Variants in LRMDA observed in about 807,000 individuals in gnomAD.
The protein encoded by LRMDA is leucine-rich melanocyte differentiation-associated protein.
LRMDA carries 18 observed loss-of-function variants against 29.8 expected under a neutral mutation model. The observed-to-expected ratio is 0.60, with a 90% CI of 0.42 to 0.90. LRMDA has a LOEUF of 0.90. Ranked by LOEUF, LRMDA falls within the 40% of genes least tolerant of loss-of-function variation. The pLI is 0.00. For missense variants in LRMDA, 273 were observed against 273.9 expected (o/e 1.00, Z 0.02); for synonymous variants, 125 against 109.4 (o/e 1.14, Z -0.89).
chr10:75,615,594 T>G (rs74878123), intron 2 of LRMDA, among the ~76,000 whole-genome samples: 1 of 152,190 alleles, frequency 6.6e-6, no homozygotes, highest in Non-Finnish European at 1.5e-5. Flanking sequence ...GCACAATTAT[T>G]TGAACTAGAA....
chr10:75,797,237 A>G (rs1458190988), intron 2 of LRMDA, among the ~76,000 whole-genome samples: 5 of 152,096 alleles, frequency 3.3e-5, no homozygotes, highest in Non-Finnish European at 7.4e-5. Flanking sequence ...AAATTTTTGA[A>G]TTTATTCGCA....
intron 5 of LRMDA, among the ~76,000 whole-genome samples, chr10:76,063,276 T>C (rs1450281062): frequency 6.6e-6 from 1 of 152,226 alleles, no homozygotes; most frequent in African/African-American, 2.4e-5. Flanking sequence ...TAGTGAGGTG[T>C]CTTTGAAGAC....
At chr10:75,918,487 C>A (rs1377476899) in intron 2 of LRMDA, among the ~76,000 whole-genome samples, 2 of 152,002 alleles carry the variant, frequency 1.3e-5, no homozygotes, top group Non-Finnish European at 1.5e-5. Flanking sequence ...TTTCAAATAA[C>A]CAGATCTCGC....
intron 5 of LRMDA, among the ~76,000 whole-genome samples, chr10:76,298,977 C>T (rs1040241609): frequency 2.6e-5 from 4 of 152,070 alleles, no homozygotes; most frequent in African/African-American, 9.7e-5. Flanking sequence ...GTTGGTTGGC[C>T]ACCTTCTTCC....
At chr10:76,015,944 G>A (rs1247668228) in intron 2 of LRMDA, among the ~76,000 whole-genome samples, 1 of 152,072 alleles carries the variant, frequency 6.6e-6, no homozygotes, top group Non-Finnish European at 1.5e-5. Flanking sequence ...GTCATTCTTG[G>A]ACTTCTAGCC....
At chr10:75,560,706 C>T (rs1042953866) in intron 2 of LRMDA, among the ~76,000 whole-genome samples, 74 of 150,082 alleles carry the variant, frequency 4.9e-4, no homozygotes, top group African/African-American at 1.8e-3. Context: ...GAGATATGTC[C>T]CATCAATACC....
At chr10:76,464,861 G>T (rs1025221060) in intron 6 of LRMDA, 22 of 152,120 alleles carry the variant, frequency 1.4e-4, no homozygotes, top group African/African-American at 5.3e-4. Flanking sequence ...TTGATTATAT[G>T]ATCATCTCGT....
At chr10:75,623,849 C>A (rs184203136) in intron 2 of LRMDA, among the ~76,000 whole-genome samples, 1 of 152,318 alleles carries the variant, frequency 6.6e-6, no homozygotes, top group East Asian at 1.9e-4. Flanking sequence ...CCGATTTTGA[C>A]AACATAATTT....
At chr10:75,680,464 C>A (rs145533780) in intron 2 of LRMDA, among the ~76,000 whole-genome samples, 9 of 151,832 alleles carry the variant, frequency 5.9e-5, no homozygotes, top group Non-Finnish European at 1.2e-4. Context: ...AGGACAGGGA[C>A]CTTGTAGTGG....
intron 2 of LRMDA, among the ~76,000 whole-genome samples, chr10:76,011,503 C>T (rs913205239): frequency 6.6e-6 from 1 of 152,180 alleles, no homozygotes; most frequent in Non-Finnish European, 1.5e-5. Flanking sequence ...CCACCCCCTC[C>T]ATCCTCAGTT....
chr10:76,211,510 G>A (rs1025167058), intron 5 of LRMDA, among the ~76,000 whole-genome samples: 3 of 152,198 alleles, frequency 2.0e-5, no homozygotes, highest in African/African-American at 7.2e-5. Context: ...AATCCAATGA[G>A]CCTCTAGCCA....
At chr10:75,585,181 A>C (rs1042054781) in intron 2 of LRMDA, among the ~76,000 whole-genome samples, 2 of 152,190 alleles carry the variant, frequency 1.3e-5, no homozygotes, top group African/African-American at 4.8e-5. Context: ...GCAGCTGCAC[A>C]CTGTCCTGTC....
chr10:75,658,491 A>C (rs1356456128), intron 2 of LRMDA, among the ~76,000 whole-genome samples: 1 of 152,178 alleles, frequency 6.6e-6, no homozygotes, highest in East Asian at 1.9e-4. Context: ...TTCTCAAAGA[A>C]CGTTCTATGG....
chr10:76,215,096 A>G (rs193244853), intron 5 of LRMDA, among the ~76,000 whole-genome samples: 3 of 152,346 alleles, frequency 2.0e-5, no homozygotes, highest in African/African-American at 4.8e-5. Context: ...CACTGGGTTG[A>G]GAATGGTGTA....
chr10:76,444,901 G>A (rs996728715), intron 6 of LRMDA, among the ~76,000 whole-genome samples: 11 of 151,986 alleles, frequency 7.2e-5, no homozygotes, highest in Admixed American at 5.9e-4. Flanking sequence ...ATCTATAATT[G>A]TATTCATGTA....
At chr10:76,153,029 C>G (rs1268020789) in intron 5 of LRMDA, among the ~76,000 whole-genome samples, 1 of 151,912 alleles carries the variant, frequency 6.6e-6, no homozygotes, top group Non-Finnish European at 1.5e-5. Context: ...TTAGTAGAGA[C>G]GGGGTTTCAC....
intron 2 of LRMDA, among the ~76,000 whole-genome samples, chr10:75,666,953 ACTGCAGTTAC>A (rs2132139496): frequency 6.6e-6 from 1 of 152,312 alleles, no homozygotes; most frequent in East Asian, 1.9e-4. Context: ...ATACAAGTTA[ACTGCAGTTAC>A]CTGGCTCTTT....
intron 6 of LRMDA, among the ~76,000 whole-genome samples, chr10:76,476,397 G>A (rs1483580923): frequency 6.6e-6 from 1 of 152,068 alleles, no homozygotes; most frequent in African/African-American, 2.4e-5. Context: ...CTGAAATTGA[G>A]GCAATAATTA....
At chr10:76,493,029 C>T (rs1842849031) in intron 6 of LRMDA, among the ~76,000 whole-genome samples, 2 of 151,968 alleles carry the variant, frequency 1.3e-5, no homozygotes, top group African/African-American at 4.8e-5. Context: ...TACCTGGTTA[C>T]CACATGTGAT....
Sources: gnomAD v4.1 joint callset for allele counts (sites outside exome capture counted in the v4.1 genomes callset) on GRCh38, gnomAD v4.1.1 for gene constraint, MANE v1.5 for transcripts, NCBI Gene and HGNC (gene_info 2026-07-23, HGNC 2026-07-21) for gene names.